Variants in CLCN6 observed in about 807,000 individuals in gnomAD.
The protein encoded by CLCN6 is H(+)/Cl(-) exchange transporter 6.
In CLCN6, 70 loss-of-function variants were observed where a neutral mutation model predicts 109.8. That is an observed-to-expected ratio of 0.64 (90% CI 0.53 to 0.78). CLCN6 has a LOEUF of 0.78. Among genes scored for constraint, CLCN6 ranks in the 30% least tolerant of loss-of-function variants. CLCN6 has a pLI of 0.00. For synonymous variants in CLCN6, 444 were observed against 447.8 expected, an observed-to-expected ratio of 0.99 and a Z score of 0.11; for missense variants, 984 against 1,142.3, an observed-to-expected ratio of 0.86 and a Z score of 2.00.
chr1:11,827,371 T>C, intron 10 of CLCN6, 150 bp downstream of exon 10: 7 of 696,594 alleles, frequency 1.0e-5, no homozygotes, highest in Non-Finnish European at 1.6e-5. Context: ...ACCTCCACAC[T>C]GGACTTTCTG....
intron 20 of CLCN6, among the ~76,000 whole-genome samples, chr1:11,837,833 T>A (rs1246964930): frequency 1.3e-5 from 2 of 152,106 alleles, no homozygotes; most frequent in East Asian, 3.9e-4. Context: ...CTCGCCACTG[T>A]CATCACACGG....
rs1178652209 is a variant in CLCN6 at position 11,838,555 on chromosome 1, C to A, written c.2424C>A (p.Asn808Lys). The A allele has an allele frequency of 6.2e-7, 1 of 1,611,176 alleles. No homozygotes were observed. Among genetic ancestry groups the A allele is most frequent in the African/African-American group, 1.3e-5 (1 of 74,884 alleles). The change falls in exon 22 of 23, where the codon AAC becomes AAA. Residue 808 changes from asparagine (N) to lysine (K), a missense_variant. Transcript: ENST00000346436. ...RMIVDVTPYM[N>K]PSPFTVSPNT... Reference sequence around the variant, plus strand: ...TGCAGGATGTCACCCCATACATGAACCCTTCGCCTTTCACCGTCTCGCCCA... The same window carrying A: ...TGCAGGATGTCACCCCATACATGAAACCTTCGCCTTTCACCGTCTCGCCCA...
chr1:11,812,296 A>G (rs1644608625), intron 2 of CLCN6, among the ~76,000 whole-genome samples: 1 of 152,244 alleles, frequency 6.6e-6, no homozygotes, highest in African/African-American at 2.4e-5. Flanking sequence ...AAGAACAGCC[A>G]GATGGAGAGA....
chr1:11,826,210 G>C lies in CLCN6; in HGVS notation c.703G>C (p.Asp235His). ...IQFNFPYFRS[D>H]RDKRDFVSAG... The stretch of plus-strand genomic sequence containing the variant: ...GTTTAACTTCCCCTATTTCCGAAGC[G>C]ACAGGTATGGAAAGGTTAGAAATTG... The change falls in exon 9 of 23, where the codon GAC (aspartate) becomes CAC (histidine). Residue 235 changes from aspartate (D) to histidine (H), a missense_variant. Coordinates refer to ENST00000346436, the MANE Select transcript of CLCN6 (RefSeq NM_001286.5). 1 of 1,612,692 alleles carries C rather than the reference G, an allele frequency of 6.2e-7. No homozygotes were observed. Among genetic ancestry groups the C allele is most frequent in the Non-Finnish European group, 8.5e-7 (1 of 1,178,706 alleles).
intron 4 of CLCN6, among the ~76,000 whole-genome samples, chr1:11,818,178 A>G (rs1387614567): frequency 1.3e-5 from 2 of 152,184 alleles, no homozygotes; most frequent in African/African-American, 2.4e-5. Flanking sequence ...AGATTTCTCT[A>G]TAATAAGCAT....
At chr1:11,828,017 G>T (rs756602330) in intron 10 of CLCN6, 89 bp from the exon 11 acceptor site, 1 of 950,200 alleles carries the variant, frequency 1.1e-6, no homozygotes, top group East Asian at 2.4e-5. Context: ...AGGTCTCTGC[G>T]TAGAGCAGTG....
At chr1:11,828,245 T>C in intron 11 of CLCN6, 26 bp downstream of exon 11, 1 of 1,590,688 alleles carries the variant, frequency 6.3e-7, no homozygotes, top group South Asian at 1.1e-5. Context: ...TCCCCAAGGA[T>C]TTTTAATTTG....
chr1:11,826,139 C>G lies in CLCN6; in HGVS notation c.649-17C>G, dbSNP rs751259525. ...TATGAGTAGGCTCTTTAGTGGCTCT[C>G]TTTTCTCTTGCTTTAGTTTCAGAGC... On this transcript the variant is annotated splice_polypyrimidine_tract_variant and intron_variant, in intron 8 of 22. Transcript: ENST00000346436. 5.6e-6 allele frequency: 9 copies of G among 1,606,132 alleles called. No homozygotes were observed. In the Admixed American group the frequency reaches 6.7e-5, roughly 12 times the overall value.
chr1:11,828,595 A>T lies in CLCN6; in HGVS notation c.1092A>T (p.Arg364=), dbSNP rs749568339. The T allele has an allele frequency of 5.0e-6, 8 of 1,613,004 alleles. No homozygotes were observed. The highest frequency in any genetic ancestry group is 5.9e-6 in the Non-Finnish European group (7 of 1,179,498). ...AGAGGCTTGCAAAGTACCGTATGCG[A>T]AACGTGCACCCGAAACCTAAGCTCG... ...LNKRLAKYRM[R]NVHPKPKLVR... Residue 364 remains arginine (R), a synonymous_variant, in exon 12 of 23, where the codon CGA becomes CGT. Transcript: ENST00000346436.
intron 5 of CLCN6, among the ~76,000 whole-genome samples, chr1:11,820,002 T>G (rs1236318064): frequency 6.6e-6 from 1 of 152,198 alleles, no homozygotes; most frequent in Non-Finnish European, 1.5e-5. Context: ...TCATAAAATT[T>G]AAGATACAGT....
chr1:11,816,865 TA>T (rs1644680156), intron 4 of CLCN6, among the ~76,000 whole-genome samples, 185 bp downstream of exon 4: 1 of 151,860 alleles, frequency 6.6e-6, no homozygotes, highest in Non-Finnish European at 1.5e-5. Flanking sequence ...TTTAAATGAA[TA>T]ATCCTGGCAC....
intron 12 of CLCN6, 85 bp from the exon 13 acceptor site, chr1:11,829,111 C>A: frequency 1.3e-6 from 2 of 1,519,194 alleles, no homozygotes; most frequent in East Asian, 2.3e-5. Flanking sequence ...GAAATCGGGG[C>A]TGGGGGTAGG....
At chr1:11,839,789 T>C (rs562913877) in intron 22 of CLCN6, among the ~76,000 whole-genome samples, 1 of 152,120 alleles carries the variant, frequency 6.6e-6, no homozygotes, top group Non-Finnish European at 1.5e-5. Flanking sequence ...TGCAAGGTGG[T>C]GAGTATGAGG....
chr1:11,822,476 C>T (rs1255725508), intron 5 of CLCN6, among the ~76,000 whole-genome samples: 1 of 152,178 alleles, frequency 6.6e-6, no homozygotes, highest in Admixed American at 6.6e-5. Context: ...CTCTTAGGCT[C>T]AAGTGATCCT....
At chr1:11,835,627 G>T (rs965721989) in intron 17 of CLCN6, among the ~76,000 whole-genome samples, 1 of 152,194 alleles carries the variant, frequency 6.6e-6, no homozygotes, top group African/African-American at 2.4e-5. Flanking sequence ...CAGTTCAGGG[G>T]TAGTATGTGG....
Position 11,816,579 on chromosome 1 carries a change from C to G in CLCN6, c.214-36C>G. On this transcript the variant is annotated intron_variant, in intron 3 of 22. Transcript: ENST00000346436. ...ATTTCTTCCCCTCTGCCACCATAAC[C>G]CTGTAAACTGAATCATTCTTTTCCT... is the stretch of plus-strand genomic sequence containing the variant. The G allele has an allele frequency of 1.9e-6, 3 of 1,592,700 alleles. No homozygotes were observed. In the South Asian group the frequency reaches 3.4e-5, roughly 18 times the overall value.
chr1:11,822,927 C>A, intron 6 of CLCN6, 126 bp downstream of exon 6: 1 of 661,066 alleles, frequency 1.5e-6, no homozygotes, highest in Non-Finnish European at 2.7e-6. Flanking sequence ...GCCTCTTGTT[C>A]ACTAAAGGTA....
At chr1:11,833,728 C>A in intron 14 of CLCN6, 90 bp downstream of exon 14, 3 of 1,582,610 alleles carry the variant, frequency 1.9e-6, no homozygotes, top group East Asian at 4.5e-5. Flanking sequence ...AAGACCAGGA[C>A]TTCTTTGTAA....
intron 22 of CLCN6, 93 bp from the exon 23 acceptor site, chr1:11,840,050 T>C: frequency 1.9e-6 from 2 of 1,037,988 alleles, no homozygotes; most frequent in South Asian, 2.5e-5. Context: ...GCCTCCACAT[T>C]CTGTGACAAA....
Sources: allele counts gnomAD v4.1 joint callset (sites outside exome capture counted in the v4.1 genomes callset), GRCh38; gene constraint gnomAD v4.1.1; transcripts MANE v1.5; gene names NCBI Gene and HGNC (gene_info 2026-07-23, HGNC 2026-07-21).